COL25A1: variants seen among roughly 807,000 people sequenced by gnomAD.
The protein encoded by COL25A1 is collagen alpha-1(XXV) chain.
COL25A1 carries 103 observed loss-of-function variants against 128.4 expected under a neutral mutation model. The observed-to-expected ratio is 0.80, with a 90% CI of 0.68 to 0.94. COL25A1 has a LOEUF of 0.94. COL25A1 is among the 40% of genes least tolerant of loss of function. The pLI is 0.00. For missense variants in COL25A1, 745 were observed against 840.0 expected, an observed-to-expected ratio of 0.89 and a Z score of 1.40; for synonymous variants, 279 against 277.2, an observed-to-expected ratio of 1.01 and a Z score of -0.06.
chr4:108,969,767 G>A (rs181911051), intron 8 of COL25A1, among the ~76,000 whole-genome samples: 3 of 151,102 alleles, frequency 2.0e-5, no homozygotes, highest in African/African-American at 7.4e-5. Context: ...ACTGAGGACT[G>A]GACATTGTCT....
chr4:108,848,623 G>T, intron 27 of COL25A1, 136 bp downstream of exon 27: 1 of 615,004 alleles, frequency 1.6e-6, no homozygotes, highest in Non-Finnish European at 2.9e-6. Context: ...TAGAGTCAAT[G>T]AAGTCTCTAG....
At chr4:109,036,966 T>C (rs1047295752) in intron 5 of COL25A1, among the ~76,000 whole-genome samples, 1 of 152,190 alleles carries the variant, frequency 6.6e-6, no homozygotes, top group Non-Finnish European at 1.5e-5. Flanking sequence ...GTGTGTCTAC[T>C]ACAGTTGAAT....
At chr4:108,948,151 T>C (rs992368378) in intron 8 of COL25A1, among the ~76,000 whole-genome samples, 2 of 152,162 alleles carry the variant, frequency 1.3e-5, no homozygotes, top group Admixed American at 6.5e-5. Context: ...GTAAAAGAAT[T>C]GCTTCAGTTT....
intron 3 of COL25A1, among the ~76,000 whole-genome samples, chr4:109,167,517 C>A (rs1773186034): frequency 2.0e-5 from 3 of 152,098 alleles, no homozygotes; most frequent in Non-Finnish European, 4.4e-5. Context: ...ATCATTATGA[C>A]ATTTCTCTCA....
chr4:108,987,889 C>A (rs551937170), intron 6 of COL25A1, among the ~76,000 whole-genome samples: 91 of 152,320 alleles, frequency 6.0e-4, no homozygotes, highest in Non-Finnish European at 9.1e-4. Context: ...CATTACCAGA[C>A]TATCCTTTGA....
chr4:108,985,806 C>A (rs1477590335), intron 6 of COL25A1, among the ~76,000 whole-genome samples: 3 of 152,118 alleles, frequency 2.0e-5, no homozygotes, highest in Non-Finnish European at 4.4e-5. Context: ...AAGGCTATAA[C>A]TATTACCTGA....
intron 37 of COL25A1, among the ~76,000 whole-genome samples, chr4:108,815,986 A>G (rs1731212193): frequency 6.6e-6 from 1 of 152,150 alleles, no homozygotes; most frequent in Admixed American, 6.5e-5. Flanking sequence ...CTATTAGATT[A>G]CAGGGCAAAG....
At chr4:108,941,845 G>C (rs753809741) in intron 8 of COL25A1, among the ~76,000 whole-genome samples, 1 of 152,126 alleles carries the variant, frequency 6.6e-6, no homozygotes, top group Admixed American at 6.5e-5. Flanking sequence ...GAACTCAACT[G>C]CCATTTTATT....
chr4:109,125,900 G>A (rs1768553330), intron 3 of COL25A1, among the ~76,000 whole-genome samples: 1 of 152,060 alleles, frequency 6.6e-6, no homozygotes, highest in Non-Finnish European at 1.5e-5. Context: ...AATATTTGGG[G>A]ACCTTAAAAA....
At chr4:109,234,213 G>A (rs979979114) in intron 3 of COL25A1, among the ~76,000 whole-genome samples, 15 of 152,088 alleles carry the variant, frequency 9.9e-5, no homozygotes, top group Non-Finnish European at 1.8e-4. Context: ...AAGGCCAAGC[G>A]TTAAAGATAA....
At chr4:109,034,344 ATCTTT>A (rs1759143926) in intron 5 of COL25A1, among the ~76,000 whole-genome samples, 1 of 152,228 alleles carries the variant, frequency 6.6e-6, no homozygotes, top group African/African-American at 2.4e-5. Flanking sequence ...CAAGAAATGA[ATCTTT>A]TTAACAGATA....
intron 3 of COL25A1, among the ~76,000 whole-genome samples, chr4:109,271,091 T>C (rs2126264894): frequency 6.6e-6 from 1 of 152,312 alleles, no homozygotes; most frequent in African/African-American, 2.4e-5. Context: ...CCTGAGCCCC[T>C]TCCACTGGCT....
At chr4:109,056,251 T>C (rs1761436247) in intron 3 of COL25A1, among the ~76,000 whole-genome samples, 1 of 152,112 alleles carries the variant, frequency 6.6e-6, no homozygotes, top group African/African-American at 2.4e-5. Context: ...AACTAATACA[T>C]GTATTTAAAT....
chr4:109,234,833 G>A (rs532729597), intron 3 of COL25A1, among the ~76,000 whole-genome samples: 21 of 152,014 alleles, frequency 1.4e-4, no homozygotes, highest in African/African-American at 2.4e-4. Flanking sequence ...TTCCCATCCC[G>A]TTCTTCCCAA....
At chr4:108,889,407 A>C in intron 17 of COL25A1, 151 bp from the exon 18 acceptor site, 5 of 655,982 alleles carry the variant, frequency 7.6e-6, no homozygotes, top group Non-Finnish European at 1.3e-5. Context: ...ACATCTCACT[A>C]GACATACGGA....
At chr4:109,239,336 ATAT>A (rs1022019514) in intron 3 of COL25A1, among the ~76,000 whole-genome samples, 7 of 146,718 alleles carry the variant, frequency 4.8e-5, no homozygotes, top group South Asian at 2.1e-4. Context: ...AGTAATATTT[ATAT>A]TATTATATAA....
chr4:108,953,170 G>C (rs1423555296), intron 8 of COL25A1, among the ~76,000 whole-genome samples: 1 of 152,102 alleles, frequency 6.6e-6, no homozygotes, highest in Non-Finnish European at 1.5e-5. Context: ...CTCTTCAAAA[G>C]TGACCTTAGC....
At chr4:108,823,042 A>G (rs1731963060) in intron 35 of COL25A1, among the ~76,000 whole-genome samples, 1 of 152,182 alleles carries the variant, frequency 6.6e-6, no homozygotes, top group African/African-American at 2.4e-5. Flanking sequence ...GGAGAGTCTA[A>G]GCAATGCTTA....
intron 31 of COL25A1, among the ~76,000 whole-genome samples, chr4:108,835,827 C>T (rs1002567192): frequency 1.4e-5 from 2 of 141,520 alleles, no homozygotes; most frequent in Non-Finnish European, 3.0e-5. Flanking sequence ...ACTGGGATTA[C>T]AGGTGTGAGC....
Sources: allele counts gnomAD v4.1 joint callset (sites outside exome capture counted in the v4.1 genomes callset), GRCh38; gene constraint gnomAD v4.1.1; transcripts MANE v1.5; gene names NCBI Gene and HGNC (gene_info 2026-07-23, HGNC 2026-07-21).